DROSHA: variants seen among roughly 807,000 people sequenced by gnomAD.
The protein encoded by DROSHA is ribonuclease 3.
A neutral mutation model predicts 181.9 loss-of-function variants in DROSHA; 56 were observed. The ratio of observed to expected loss-of-function variants is 0.31; its 90% CI spans 0.25 to 0.38. The LOEUF is 0.38. Among genes scored for constraint, DROSHA ranks in the 10% least tolerant of loss-of-function variants. DROSHA has a pLI of 1.00. For synonymous variants in DROSHA, 524 were observed against 591.2 expected (o/e 0.89, Z 1.65); for missense variants, 1,218 against 1,743.5 (o/e 0.70, Z 5.37).
intron 15 of DROSHA, 136 bp downstream of exon 15, chr5:31,484,745 G>A (rs1751540530): frequency 1.2e-5 from 8 of 648,340 alleles, no homozygotes; most frequent in Non-Finnish European, 1.9e-5. Context: ...GCATTCCTGT[G>A]AATAACACTT....
At chr5:31,429,363 G>T in intron 27 of DROSHA, 112 bp downstream of exon 27, 1 of 974,920 alleles carries the variant, frequency 1.0e-6, no homozygotes, top group Non-Finnish European at 1.5e-6. Flanking sequence ...ATCTATGGTA[G>T]ATCTGACTAT....
At chr5:31,471,632 A>T (rs1225934167) in intron 17 of DROSHA, among the ~76,000 whole-genome samples, 1 of 152,208 alleles carries the variant, frequency 6.6e-6, no homozygotes, top group African/African-American at 2.4e-5. Context: ...AATTAACAAA[A>T]GAAAACATGA....
At chr5:31,480,169 G>A (rs1395139179) in intron 16 of DROSHA, among the ~76,000 whole-genome samples, 21 of 50,740 alleles carry the variant, frequency 4.1e-4, no homozygotes, top group Non-Finnish European at 1.1e-3. Context: ...TTTTCTATTG[G>A]CAATGTCAGT....
chr5:31,453,037 T>TTAGGACTCA (rs1747211529), intron 20 of DROSHA, among the ~76,000 whole-genome samples: 1 of 152,194 alleles, frequency 6.6e-6, no homozygotes, highest in Non-Finnish European at 1.5e-5. Context: ...TCAAGGTGGA[T>TTAGGACTCA]AGGACATGGG....
At chr5:31,479,590 T>C (rs1445804970) in intron 16 of DROSHA, among the ~76,000 whole-genome samples, 1 of 152,110 alleles carries the variant, frequency 6.6e-6, no homozygotes, top group Non-Finnish European at 1.5e-5. Context: ...TAAAGGAATA[T>C]ATATCTATAA....
intron 23 of DROSHA, among the ~76,000 whole-genome samples, chr5:31,444,838 AACAAG>A: frequency 6.6e-6 from 1 of 152,226 alleles, no homozygotes; most frequent in South Asian, 2.1e-4. Flanking sequence ...ATCATTTTCA[AACAAG>A]AATTTTAAAG....
chr5:31,464,358 A>C lies in DROSHA; in HGVS notation c.2467-15T>G. 1 of 1,609,354 alleles carries C rather than the reference A, an allele frequency of 6.2e-7. No individual in the cohort carries two copies. The highest frequency in any genetic ancestry group is 8.5e-7 in the Non-Finnish European group (1 of 1,176,478). ...TGGAGGGCTTCCTAGAAAAGAATTC[A>C]TTATGATGAGTAACACAACTGCTAT... On this transcript the variant is annotated splice_polypyrimidine_tract_variant and intron_variant, in intron 19 of 35. Transcript: ENST00000344624.
At chr5:31,490,809 G>A (rs568573162) in intron 13 of DROSHA, among the ~76,000 whole-genome samples, 4 of 152,162 alleles carry the variant, frequency 2.6e-5, no homozygotes, top group South Asian at 2.1e-4. Flanking sequence ...CCTATGAACT[G>A]CACAACAGTC....
At chr5:31,496,079 G>C (rs144780472) in intron 11 of DROSHA, among the ~76,000 whole-genome samples, 96 of 152,282 alleles carry the variant, frequency 6.3e-4, no homozygotes, top group African/African-American at 2.3e-3. Flanking sequence ...GGCCCACAGA[G>C]CCTGATTAAC....
rs140052407 is a variant in DROSHA at position 31,471,535 on chromosome 5, C to T, written c.2241+528G>A. On this transcript the variant is annotated intron_variant, in intron 17 of 35. Transcript: ENST00000344624. The stretch of plus-strand genomic sequence containing the variant: ...TAAAACAAAAAACTTAAGTAGCACC[C>T]AAAGAAATGTAAAATATTTATAATA... Among the ~76,000 whole-genome samples the T allele has an allele frequency of 3.6e-3, 542 of 151,000 alleles. 1 individual carries two copies. Among genetic ancestry groups the T allele is most frequent in the African/African-American group, 0.012 (512 of 41,124 alleles).
chr5:31,407,563 A>C (rs1740797973), intron 33 of DROSHA, among the ~76,000 whole-genome samples: 1 of 152,246 alleles, frequency 6.6e-6, no homozygotes, highest in Non-Finnish European at 1.5e-5. Flanking sequence ...TTTCAAATGC[A>C]GTAAAACTAA....
chr5:31,471,917 ACTAAATATT>A (rs1382760855), intron 17 of DROSHA, 137 bp downstream of exon 17: 1 of 689,718 alleles, frequency 1.4e-6, no homozygotes, highest in Non-Finnish European at 2.1e-6. Flanking sequence ...TTTCTTATTT[ACTAAATATT>A]TAAAGGAAAA....
intron 11 of DROSHA, among the ~76,000 whole-genome samples, chr5:31,499,141 A>C (rs1753317409): frequency 6.6e-6 from 1 of 152,232 alleles, no homozygotes; most frequent in African/African-American, 2.4e-5. Flanking sequence ...ATAAAGGCCC[A>C]GCCATTTCAG....
At chr5:31,413,118 G>T (rs1324440257) in intron 30 of DROSHA, among the ~76,000 whole-genome samples, 1 of 152,178 alleles carries the variant, frequency 6.6e-6, no homozygotes, top group African/African-American at 2.4e-5. Context: ...CAGTGTCAGG[G>T]CCCCTCACTC....
Position 31,401,238 on chromosome 5 carries a change from G to T in DROSHA, c.*194C>A. On this transcript the variant is annotated 3_prime_UTR_variant, in exon 36 of 36. Transcript: ENST00000344624. ...AAGTCAAGTTTTCCGTTAAATAGAA[G>T]AAAAATCTAATACTTTGTAATAAAG... is the stretch of plus-strand genomic sequence containing the variant. 1 of 696,004 alleles carries T rather than the reference G, an allele frequency of 1.4e-6. No homozygotes were observed. Among genetic ancestry groups the T allele is most frequent in the South Asian group, 1.7e-5 (1 of 59,156 alleles). The allele number at this position is 696,004 out of a possible 1,614,324, so 43.1% of individuals were successfully genotyped here.
chr5:31,445,152 A>G (rs1037255076), intron 23 of DROSHA, among the ~76,000 whole-genome samples: 3 of 152,146 alleles, frequency 2.0e-5, no homozygotes, highest in African/African-American at 7.2e-5. Context: ...CATCTTAAAA[A>G]CAAAGCCACC....
chr5:31,405,479 T>C (rs1183900272), intron 35 of DROSHA, among the ~76,000 whole-genome samples, 198 bp downstream of exon 35: 2 of 151,956 alleles, frequency 1.3e-5, no homozygotes, highest in African/African-American at 4.8e-5. Flanking sequence ...CAAAAAGCAC[T>C]CAGGAATACT....
chr5:31,480,564 T>C (rs1239332492), intron 16 of DROSHA, among the ~76,000 whole-genome samples: 1 of 152,126 alleles, frequency 6.6e-6, no homozygotes, highest in Non-Finnish European at 1.5e-5. Context: ...CCTATATTCA[T>C]GATCCATGCA....
chr5:31,511,996 T>A (rs190429228), intron 8 of DROSHA, among the ~76,000 whole-genome samples: 32 of 151,492 alleles, frequency 2.1e-4, no homozygotes, highest in Admixed American at 1.1e-3. Flanking sequence ...ACACTCTCTC[T>A]CACACACACA....
Sources: gnomAD v4.1 joint callset for allele counts (sites outside exome capture counted in the v4.1 genomes callset) on GRCh38, gnomAD v4.1.1 for gene constraint, MANE v1.5 for transcripts, NCBI Gene and HGNC (gene_info 2026-07-23, HGNC 2026-07-21) for gene names.